The following ARSB variants were observed in gnomAD, a reference collection of about 807,000 sequenced individuals.
ARSB encodes N-acetylgalactosamine-4-sulfatase.
Under a neutral mutation model 50.9 loss-of-function variants are expected in ARSB, and 41 were observed. The observed-to-expected ratio is 0.81, with a 90% CI of 0.63 to 1.04. ARSB has a LOEUF of 1.04. Among genes scored for constraint, ARSB ranks in the 50% least tolerant of loss-of-function variants. ARSB has a pLI of 0.00. For synonymous variants in ARSB, 269 were observed against 284.8 expected (o/e 0.94, Z 0.56); for missense variants, 672 against 693.3 (o/e 0.97, Z 0.35).
rs4704540 is a variant in ARSB at position 78,970,317 on chromosome 5, A to T, written c.313-1125T>A. Among the ~76,000 whole-genome samples, 3 of 152,058 alleles carry T rather than the reference A, an allele frequency of 2.0e-5. No individual in the cohort carries two copies. In the East Asian group the frequency reaches 5.8e-4, roughly 29 times the overall value. On this transcript the variant is annotated intron_variant, in intron 1 of 7. Coordinates refer to ENST00000264914, the MANE Select transcript of ARSB (RefSeq NM_000046.5). ...TATTAGTAGAAAAGATGTACAAAAAATATAAAACAATGCCATTCTTCTCAC... is the reference window on the plus strand; with the variant it reads ...TATTAGTAGAAAAGATGTACAAAAATTATAAAACAATGCCATTCTTCTCAC...
intron 4 of ARSB, among the ~76,000 whole-genome samples, chr5:78,940,786 T>C (rs1580096257): frequency 6.6e-6 from 1 of 152,208 alleles, no homozygotes; most frequent in Non-Finnish European, 1.5e-5. Context: ...TGGTTCCATA[T>C]GAACTTTAAA....
intron 6 of ARSB, among the ~76,000 whole-genome samples, chr5:78,822,928 G>A (rs1433679414): frequency 6.6e-6 from 1 of 152,156 alleles, no homozygotes; most frequent in East Asian, 1.9e-4. Flanking sequence ...GAGCCAACAC[G>A]CCTGGCCTCT....
chr5:78,896,957 A>C (rs1185447301), intron 4 of ARSB, among the ~76,000 whole-genome samples: 2 of 152,224 alleles, frequency 1.3e-5, no homozygotes, highest in Admixed American at 1.3e-4. Context: ...GAAAATGCGC[A>C]GGTTCAACCC....
At chr5:78,961,710 T>C (rs1430623960) in intron 3 of ARSB, among the ~76,000 whole-genome samples, 3 of 152,084 alleles carry the variant, frequency 2.0e-5, no homozygotes, top group Non-Finnish European at 2.9e-5. Context: ...CAGATTACAG[T>C]TGTTGCACAG....
intron 2 of ARSB, among the ~76,000 whole-genome samples, chr5:78,968,360 ATTTTT>A: frequency 9.0e-6 from 1 of 110,918 alleles, no homozygotes; most frequent in Non-Finnish European, 2.0e-5. Flanking sequence ...TATTATTATT[ATTTTT>A]GAGACAGAGT....
intron 6 of ARSB, among the ~76,000 whole-genome samples, chr5:78,789,098 C>A (rs1227616348): frequency 3.9e-5 from 6 of 152,178 alleles, no homozygotes. Flanking sequence ...CACAAGGCAT[C>A]CTCTTGACCT....
intron 4 of ARSB, among the ~76,000 whole-genome samples, chr5:78,914,422 T>C (rs1749452267): frequency 6.6e-6 from 1 of 152,204 alleles, no homozygotes; most frequent in African/African-American, 2.4e-5. Flanking sequence ...AGTTAGAAAG[T>C]ATTATTTTAA....
Position 78,843,575 on chromosome 5 carries a change from C to T in ARSB, c.1143-4149G>A, listed in dbSNP as rs956352774. ...ATTGAAGTATAATTTTAAAACCATACAATCACCCATTTAAACTGCACAGTT... is the reference window on the plus strand; with the variant it reads ...ATTGAAGTATAATTTTAAAACCATATAATCACCCATTTAAACTGCACAGTT... On this transcript the variant is annotated intron_variant, in intron 5 of 7. Coordinates refer to ENST00000264914, the MANE Select transcript of ARSB (RefSeq NM_000046.5). 3.9e-5 allele frequency among the ~76,000 whole-genome samples: 6 copies of T among 152,274 alleles called. No homozygotes were observed. In the South Asian group the frequency reaches 8.3e-4, roughly 21 times the overall value.
At chr5:78,863,812 T>C (rs13184327) in intron 5 of ARSB, among the ~76,000 whole-genome samples, 34,994 of 151,930 alleles carry the variant, frequency 0.23, 4,820 homozygotes, top group Admixed American at 0.31. Flanking sequence ...GGGCTACTGA[T>C]TGTTGTTCCT....
chr5:78,832,681 G>A (rs1285979045), intron 6 of ARSB, among the ~76,000 whole-genome samples: 1 of 152,094 alleles, frequency 6.6e-6, no homozygotes, highest in Admixed American at 6.6e-5. Flanking sequence ...GAAGAAGGCT[G>A]TTCTTTCACC....
At chr5:78,855,638 T>A (rs1301531912) in intron 5 of ARSB, among the ~76,000 whole-genome samples, 1 of 152,114 alleles carries the variant, frequency 6.6e-6, no homozygotes, top group Non-Finnish European at 1.5e-5. Flanking sequence ...AGGGTGTGGA[T>A]CATAGTATTG....
intron 4 of ARSB, among the ~76,000 whole-genome samples, chr5:78,904,167 T>C (rs1748929868): frequency 6.6e-6 from 1 of 152,262 alleles, no homozygotes; most frequent in Non-Finnish European, 1.5e-5. Flanking sequence ...CTAATGTGTG[T>C]ATCAACAGTT....
intron 5 of ARSB, among the ~76,000 whole-genome samples, chr5:78,870,905 T>C (rs538251103): frequency 2.0e-5 from 3 of 152,216 alleles, no homozygotes; most frequent in African/African-American, 7.2e-5. Flanking sequence ...TGATTGTTTA[T>C]CTAGAAAACC....
At chr5:78,970,732 T>C (rs541000194) in intron 1 of ARSB, among the ~76,000 whole-genome samples, 8 of 152,296 alleles carry the variant, frequency 5.3e-5, no homozygotes, top group African/African-American at 1.7e-4. Context: ...GGCAGGAGGC[T>C]AGCTTGACTC....
chr5:78,948,008 A>G lies in ARSB; in HGVS notation c.898+7287T>C, dbSNP rs150386221. Among the ~76,000 whole-genome samples the G allele has an allele frequency of 1.3e-3, 192 of 152,326 alleles. 1 individual carries two copies. Among genetic ancestry groups the G allele is most frequent in the African/African-American group, 4.4e-3 (184 of 41,572 alleles). On this transcript the variant is annotated intron_variant, in intron 4 of 7. Coordinates refer to ENST00000264914, the MANE Select transcript of ARSB (RefSeq NM_000046.5). Reference sequence around the variant, plus strand: ...AACATGGAGGGAACTGGAGGTCATTATATTAAGTGAAATAAGCCAAGCACA... The same window carrying G: ...AACATGGAGGGAACTGGAGGTCATTGTATTAAGTGAAATAAGCCAAGCACA...
intron 4 of ARSB, among the ~76,000 whole-genome samples, chr5:78,895,661 C>T (rs760442054): frequency 3.7e-4 from 57 of 152,196 alleles, no homozygotes; most frequent in Non-Finnish European, 6.2e-4. Flanking sequence ...GCCTCATGTG[C>T]CCTGCATCTC....
intron 4 of ARSB, 119 bp from the exon 5 acceptor site, chr5:78,885,946 C>T: frequency 6.6e-7 from 1 of 1,526,656 alleles, no homozygotes; most frequent in Non-Finnish European, 8.9e-7. Flanking sequence ...AAAGAAAATT[C>T]CTTGCCTTTT....
At chr5:78,801,474 G>T (rs549562611) in intron 6 of ARSB, among the ~76,000 whole-genome samples, 23 of 152,332 alleles carry the variant, frequency 1.5e-4, no homozygotes, top group African/African-American at 5.5e-4. Context: ...TGCTTTTGGA[G>T]GAAGATGAAT....
chr5:78,813,023 A>T (rs1241870135), intron 6 of ARSB, among the ~76,000 whole-genome samples: 1 of 152,158 alleles, frequency 6.6e-6, no homozygotes, highest in Non-Finnish European at 1.5e-5. Flanking sequence ...ATGATAAAAA[A>T]GTTTACAAAT....
Sources: gnomAD v4.1 joint callset for allele counts (sites outside exome capture counted in the v4.1 genomes callset) on GRCh38, gnomAD v4.1.1 for gene constraint, MANE v1.5 for transcripts, NCBI Gene and HGNC (gene_info 2026-07-23, HGNC 2026-07-21) for gene names.